Variants in UGT2B7 observed in about 807,000 individuals in gnomAD.
UGT2B7 encodes UDP glucuronosyltransferase family 2 member B7, also known as UDP-glucuronosyltransferase 2B7.
UGT2B7 carries 51 observed loss-of-function variants against 51.9 expected under a neutral mutation model. That is an observed-to-expected ratio of 0.98 (90% CI 0.78 to 1.24). UGT2B7 has a LOEUF of 1.24. Among genes scored for constraint, UGT2B7 ranks in the 50% most tolerant of loss-of-function variants. The pLI is 0.00. For missense variants in UGT2B7, 727 were observed against 628.4 expected, an observed-to-expected ratio of 1.16 and a Z score of -1.68; for synonymous variants, 225 against 211.6, an observed-to-expected ratio of 1.06 and a Z score of -0.55.
At chr4:69,074,613 T>G (rs1718665604) in intron 1 of UGT2B7, among the ~76,000 whole-genome samples, 1 of 151,826 alleles carries the variant, frequency 6.6e-6, no homozygotes, top group South Asian at 2.1e-4. Context: ...TGTAAGAGAA[T>G]CCCTTCACAA....
chr4:69,107,470 C>CG (rs1719638432), intron 4 of UGT2B7, among the ~76,000 whole-genome samples: 1 of 152,020 alleles, frequency 6.6e-6, no homozygotes, highest in Admixed American at 6.6e-5. Context: ...TAGTCTGAAT[C>CG]GGGGGAATCT....
Position 69,064,560 on chromosome 4 carries a change from C to T in UGT2B7, c.-159+12958C>T, listed in dbSNP as rs554829554. On this transcript the variant is annotated intron_variant, in intron 1 of 5. Coordinates refer to the UGT2B7 transcript ENST00000502942. ...GCAAAGCAACAGTCATGTGTAATCC[C>T]GAGTTATGAACTATCACAATTTGAT... 2.8e-4 allele frequency among the ~76,000 whole-genome samples: 42 copies of T among 152,266 alleles called. No homozygotes were observed. In the Middle Eastern group the frequency reaches 0.014, roughly 49 times the overall value.
intron 1 of UGT2B7, among the ~76,000 whole-genome samples, chr4:69,085,995 A>C (rs1020200994): frequency 1.3e-5 from 2 of 151,602 alleles, no homozygotes; most frequent in Non-Finnish European, 3.0e-5. Context: ...ATATTTTAAA[A>C]ATCTCTATTT....
rs182452110 is a variant in UGT2B7, at chr4:69,053,087, C to T, written c.-159+1485C>T. Among the ~76,000 whole-genome samples the T allele has an allele frequency of 5.8e-3, 882 of 151,776 alleles. 3 individuals carry two copies. The highest frequency in any genetic ancestry group is 0.021 in the Middle Eastern group (6 of 292). On this transcript the variant is annotated intron_variant, in intron 1 of 5. Coordinates refer to the UGT2B7 transcript ENST00000502942. ...CTTAAAGCATCAACCTGCTCTTTAACAAAAATTATAAAAGGTTAAAAAGAG... is the reference window on the plus strand; with the variant it reads ...CTTAAAGCATCAACCTGCTCTTTAATAAAAATTATAAAAGGTTAAAAAGAG...
At position 69,097,099 on chromosome 4, in the gene UGT2B7, C is replaced by G. The variant is rs543596320; in HGVS notation, c.579C>G (p.Tyr193Ter). The part of the protein sequence containing the change: ...HSGGFIFPPS[Y>*]VPVVMSELTD... ...GAGGATTTATTTTCCCTCCTTCCTACGTACCTGTTGTTATGTCAGAATTAA... is the reference window on the plus strand; with the variant it reads ...GAGGATTTATTTTCCCTCCTTCCTAGGTACCTGTTGTTATGTCAGAATTAA... Residue 193 changes from tyrosine to a stop codon, truncating the protein, a stop_gained, in exon 1 of 6, where the codon TAC becomes TAG. Transcript: ENST00000305231. LOFTEE classifies it high-confidence loss of function. 3 of 1,613,568 alleles carry G rather than the reference C, an allele frequency of 1.9e-6. No homozygotes were observed. Among genetic ancestry groups the G allele is most frequent in the Admixed American group, 3.3e-5 (2 of 59,948 alleles).
chr4:69,055,496 A>C (rs1321808754), intron 1 of UGT2B7, among the ~76,000 whole-genome samples: 1 of 152,202 alleles, frequency 6.6e-6, no homozygotes. Context: ...ATCCTAGTGT[A>C]AGCATCCTAA....
At chr4:69,072,328 G>A (rs1434364017) in intron 1 of UGT2B7, among the ~76,000 whole-genome samples, 2 of 152,062 alleles carry the variant, frequency 1.3e-5, no homozygotes, top group Non-Finnish European at 2.9e-5. Context: ...TCATCCTCAT[G>A]AAAATCTTTT....
chr4:69,053,226 G>C (rs1718086870), intron 1 of UGT2B7, among the ~76,000 whole-genome samples: 1 of 152,098 alleles, frequency 6.6e-6, no homozygotes, highest in South Asian at 2.1e-4. Flanking sequence ...GTAAAATTTA[G>C]CTTATCTGGT....
At position 69,107,374 on chromosome 4, in the gene UGT2B7, A is replaced by T. The variant is rs556307486; in HGVS notation, c.1090+112A>T. On this transcript the variant is annotated intron_variant, in intron 4 of 5. Coordinates refer to ENST00000305231, the MANE Select transcript of UGT2B7 (RefSeq NM_001074.4). Reference sequence around the variant, plus strand: ...ATTTGTTAAGGAAAAACAAAATGTAACTTCTTTATATTGATTTTCCAGTCT... The same window carrying T: ...ATTTGTTAAGGAAAAACAAAATGTATCTTCTTTATATTGATTTTCCAGTCT... 2.6e-5 allele frequency: 32 copies of T among 1,236,682 alleles called. No homozygotes were observed. In the Admixed American group the frequency reaches 4.0e-4, roughly 16 times the overall value. 76.6% of individuals were successfully genotyped at this position (1,236,682 alleles called of 1,614,324 possible). A position where few individuals can be genotyped will look rare whatever the true frequency, so the allele number is the denominator to read the frequency against.
intron 2 of UGT2B7, among the ~76,000 whole-genome samples, chr4:69,100,033 A>G (rs1719373349): frequency 1.3e-5 from 2 of 152,064 alleles, no homozygotes; most frequent in Non-Finnish European, 2.9e-5. Flanking sequence ...ATATTTGCAG[A>G]CAAACTTAGT....
At chr4:69,097,307 T>C in intron 1 of UGT2B7, 66 bp downstream of exon 1, 6 of 1,543,456 alleles carry the variant, frequency 3.9e-6, no homozygotes, top group Non-Finnish European at 4.4e-6. Flanking sequence ...GCAGAGCTTA[T>C]ATAAAGCCAT....
chr4:69,063,585 G>T (rs2109864333), intron 1 of UGT2B7, among the ~76,000 whole-genome samples: 1 of 152,142 alleles, frequency 6.6e-6, no homozygotes. Flanking sequence ...CCAAAAAGAA[G>T]GATTATGTGG....
At position 69,112,740 on chromosome 4, in the gene UGT2B7, T is replaced by C. The variant is rs756691662; in HGVS notation, c.*4T>C. On this transcript the variant is annotated 3_prime_UTR_variant, in exon 6 of 6. Transcript: ENST00000305231. ...AAAGAAGGGAAAAAATGATTAGTTATATCTGAGATTTGAAGCTGGAAAACC... is the reference window on the plus strand; with the variant it reads ...AAAGAAGGGAAAAAATGATTAGTTACATCTGAGATTTGAAGCTGGAAAACC... 2.4e-5 allele frequency: 38 copies of C among 1,613,328 alleles called. No homozygotes were observed. In the South Asian group the frequency reaches 4.1e-4, roughly 17 times the overall value.
chr4:69,086,352 C>T (rs961993098), intron 1 of UGT2B7, among the ~76,000 whole-genome samples: 2 of 151,540 alleles, frequency 1.3e-5, no homozygotes, highest in Admixed American at 6.6e-5. Flanking sequence ...AAATTGACAC[C>T]ATTTTGATTT....
chr4:69,066,051 A>C (rs1191639199), intron 1 of UGT2B7, among the ~76,000 whole-genome samples: 1 of 152,160 alleles, frequency 6.6e-6, no homozygotes, highest in African/African-American at 2.4e-5. Context: ...TCATTACTTA[A>C]CTTGTCCTCA....
intron 1 of UGT2B7, among the ~76,000 whole-genome samples, chr4:69,076,774 C>G (rs889270853): frequency 6.6e-6 from 1 of 152,158 alleles, no homozygotes; most frequent in East Asian, 1.9e-4. Context: ...TGTGCAGAAG[C>G]TCTTTAGTTT....
chr4:69,062,407 G>T (rs1718367672), intron 1 of UGT2B7, among the ~76,000 whole-genome samples: 1 of 152,204 alleles, frequency 6.6e-6, no homozygotes, highest in East Asian at 1.9e-4. Flanking sequence ...AGGAAAGAAT[G>T]CCTATAAGTC....
At chr4:69,108,779 CT>C (rs796965193) in intron 5 of UGT2B7, among the ~76,000 whole-genome samples, 2 of 151,956 alleles carry the variant, frequency 1.3e-5, no homozygotes, top group South Asian at 4.2e-4. Context: ...TAAAACCCCC[CT>C]GTTTATGTTA....
At chr4:69,105,679 A>T (rs1719573036) in intron 3 of UGT2B7, among the ~76,000 whole-genome samples, 1 of 152,196 alleles carries the variant, frequency 6.6e-6, no homozygotes, top group African/African-American at 2.4e-5. Context: ...CCAAAATTAG[A>T]AATACTGATA....
Sources: allele counts gnomAD v4.1 joint callset (sites outside exome capture counted in the v4.1 genomes callset), GRCh38; gene constraint gnomAD v4.1.1; transcripts MANE v1.5; gene names NCBI Gene and HGNC (gene_info 2026-07-23, HGNC 2026-07-21).